The following KAZN variants were observed in gnomAD, a reference collection of about 807,000 sequenced individuals.
KAZN encodes the protein kazrin, periplakin interacting protein.
A neutral mutation model predicts 87.4 loss-of-function variants in KAZN; 40 were observed. The observed-to-expected ratio is 0.46, with a 90% CI of 0.36 to 0.60. The LOEUF is 0.60. KAZN is among the 20% of genes least tolerant of loss of function. The pLI is 0.00. For missense variants in KAZN, 898 were observed against 1,073.9 expected (o/e 0.84, Z 2.29); for synonymous variants, 466 against 458.3 (o/e 1.02, Z -0.22).
At chr1:14,072,734 T>C (rs571187174) in intron 1 of KAZN, among the ~76,000 whole-genome samples, 26 of 152,284 alleles carry the variant, frequency 1.7e-4, no homozygotes, top group Middle Eastern at 3.4e-3. Context: ...GGTTGCTTAA[T>C]CACTCTGGAC....
intron 2 of KAZN, among the ~76,000 whole-genome samples, chr1:14,459,407 G>A (rs1571700910): frequency 6.6e-6 from 1 of 151,434 alleles, no homozygotes; most frequent in East Asian, 1.9e-4. Flanking sequence ...TTGTGGCCAA[G>A]GGGAAAAAAA....
intron 2 of KAZN, among the ~76,000 whole-genome samples, chr1:14,454,992 C>T (rs79739029): frequency 1.3e-5 from 2 of 152,134 alleles, no homozygotes; most frequent in Admixed American, 6.5e-5. Flanking sequence ...AAGCAGGAAG[C>T]CTCCATTCCT....
chr1:14,561,754 A>C (rs1674267802), intron 2 of KAZN, among the ~76,000 whole-genome samples: 1 of 152,016 alleles, frequency 6.6e-6, no homozygotes, highest in Non-Finnish European at 1.5e-5. Flanking sequence ...AAATACAAAA[A>C]TTAGCCGGGC....
At chr1:14,835,247 G>T (rs1420688114) in intron 1 of KAZN, among the ~76,000 whole-genome samples, 2 of 152,214 alleles carry the variant, frequency 1.3e-5, no homozygotes, top group Admixed American at 1.3e-4. Flanking sequence ...GCCTTAAAGG[G>T]CAGTGAGGAA....
chr1:14,642,697 G>A (rs1170059562), intron 1 of KAZN, among the ~76,000 whole-genome samples: 1 of 152,134 alleles, frequency 6.6e-6, no homozygotes, highest in Non-Finnish European at 1.5e-5. Flanking sequence ...GATATTGAAT[G>A]TTCCCAAGAC....
chr1:15,116,178 C>T lies in KAZN; in HGVS notation c.*1543C>T, dbSNP rs904486041. 6.6e-6 allele frequency: 1 copy of T among 152,194 alleles called. No homozygotes were observed. The highest frequency in any genetic ancestry group is 1.5e-5 in the Non-Finnish European group (1 of 68,040). 9.4% of individuals were successfully genotyped at this position (152,194 alleles called of 1,614,324 possible). ...ATCAAAGCGAGTCACTTGTTGGAAC[C>T]ATGATGCTCGACCTCCTTCAAGGCC... On this transcript the variant is annotated 3_prime_UTR_variant, in exon 15 of 15. Coordinates refer to ENST00000376030, the MANE Select transcript of KAZN (RefSeq NM_201628.3).
intron 1 of KAZN, among the ~76,000 whole-genome samples, chr1:13,988,810 C>G (rs1173956137): frequency 2.0e-5 from 3 of 152,108 alleles, no homozygotes; most frequent in Admixed American, 6.5e-5. Flanking sequence ...TCACTAATCC[C>G]TTTGAGAATG....
At chr1:14,825,684 C>T (rs750839117) in intron 1 of KAZN, among the ~76,000 whole-genome samples, 1 of 152,184 alleles carries the variant, frequency 6.6e-6, no homozygotes, top group Non-Finnish European at 1.5e-5. Flanking sequence ...CCTTCCACCT[C>T]TAAAGCCTGT....
At chr1:14,474,548 G>A (rs1212753514) in intron 2 of KAZN, among the ~76,000 whole-genome samples, 1 of 152,230 alleles carries the variant, frequency 6.6e-6, no homozygotes, top group African/African-American at 2.4e-5. Context: ...AGCTGGCATA[G>A]CATGAGCCAG....
intron 1 of KAZN, among the ~76,000 whole-genome samples, chr1:14,111,991 G>T (rs1644509658): frequency 1.3e-5 from 2 of 151,808 alleles, no homozygotes; most frequent in African/African-American, 4.8e-5. Flanking sequence ...ACCCACCTCG[G>T]CCTCCCAAAA....
chr1:14,404,109 TA>T (rs1663641445), intron 2 of KAZN, among the ~76,000 whole-genome samples: 1 of 152,188 alleles, frequency 6.6e-6, no homozygotes, highest in Non-Finnish European at 1.5e-5. Context: ...GCCGTTTGCA[TA>T]ACACGGGAAG....
intron 1 of KAZN, among the ~76,000 whole-genome samples, chr1:14,694,093 G>A (rs898518476): frequency 2.0e-5 from 3 of 152,188 alleles, no homozygotes; most frequent in African/African-American, 7.2e-5. Context: ...CTGTGGGGCC[G>A]TTGTTTATCG....
intron 1 of KAZN, among the ~76,000 whole-genome samples, chr1:14,908,650 G>A (rs1337902046): frequency 6.6e-6 from 1 of 152,162 alleles, no homozygotes; most frequent in Non-Finnish European, 1.5e-5. Flanking sequence ...CTGGGAGGTT[G>A]AGGCTGCAGT....
At chr1:14,138,561 C>T (rs745682151) in intron 1 of KAZN, among the ~76,000 whole-genome samples, 9 of 152,144 alleles carry the variant, frequency 5.9e-5, no homozygotes, top group East Asian at 1.9e-4. Context: ...AGAGCCCCCA[C>T]GAGATCGTCC....
At chr1:14,982,731 T>G (rs1195244850) in intron 2 of KAZN, among the ~76,000 whole-genome samples, 20 of 152,180 alleles carry the variant, frequency 1.3e-4, no homozygotes, top group Admixed American at 1.3e-3. Context: ...GGCCAGCACC[T>G]GAGATCTTGA....
At chr1:14,988,285 G>C (rs576979632) in intron 2 of KAZN, among the ~76,000 whole-genome samples, 1 of 152,316 alleles carries the variant, frequency 6.6e-6, no homozygotes, top group East Asian at 1.9e-4. Flanking sequence ...TCCTCCCGGG[G>C]CTTCCTCCGT....
chr1:13,974,097 C>A (rs1258318505), intron 1 of KAZN, among the ~76,000 whole-genome samples: 1 of 152,252 alleles, frequency 6.6e-6, no homozygotes, highest in Non-Finnish European at 1.5e-5. Context: ...AATCCTCCAA[C>A]ACTGGATTGT....
intron 1 of KAZN, among the ~76,000 whole-genome samples, chr1:14,808,336 C>A (rs560290939): frequency 2.1e-5 from 3 of 143,628 alleles, no homozygotes; most frequent in African/African-American, 8.0e-5. Flanking sequence ...CACTCTGTCA[C>A]CCCAGGCTGG....
intron 8 of KAZN, among the ~76,000 whole-genome samples, chr1:15,076,060 G>A (rs189191205): frequency 2.6e-4 from 40 of 152,312 alleles, no homozygotes; most frequent in Non-Finnish European, 5.0e-4. Context: ...TGTCTGTGGA[G>A]GCGGTGTGGA....
Sources: gnomAD v4.1 joint callset for allele counts (sites outside exome capture counted in the v4.1 genomes callset) on GRCh38, gnomAD v4.1.1 for gene constraint, MANE v1.5 for transcripts, NCBI Gene and HGNC (gene_info 2026-07-23, HGNC 2026-07-21) for gene names.